APPL1: variants seen among roughly 807,000 people sequenced by gnomAD.
APPL1 encodes adaptor protein, phosphotyrosine interacting with PH domain and leucine zipper 1.
APPL1 carries 42 observed loss-of-function variants against 106.8 expected under a neutral mutation model. The ratio of observed to expected loss-of-function variants is 0.39; its 90% CI spans 0.31 to 0.51. The LOEUF is 0.51. Among genes scored for constraint, APPL1 ranks in the 20% least tolerant of loss-of-function variants. The probability of loss-of-function intolerance (pLI) is 0.75; values close to 1 mark genes in which losing one functional copy is unlikely to be tolerated. For synonymous variants in APPL1, 263 were observed against 281.8 expected, an observed-to-expected ratio of 0.93 and a Z score of 0.67; for missense variants, 769 against 858.2, an observed-to-expected ratio of 0.90 and a Z score of 1.30.
chr3:57,264,409 G>A (rs1033470734), intron 19 of APPL1, among the ~76,000 whole-genome samples: 2 of 151,718 alleles, frequency 1.3e-5, no homozygotes, highest in African/African-American at 4.8e-5. Flanking sequence ...GTCCATTTTT[G>A]CTTTAGTTGC....
intron 21 of APPL1, chr3:57,269,304 A>T (rs1415296188): frequency 9.7e-6 from 4 of 413,198 alleles, no homozygotes; most frequent in African/African-American, 8.1e-5. Context: ...TGTTGGTCAT[A>T]AAAAAAGAAA....
intron 13 of APPL1, among the ~76,000 whole-genome samples, chr3:57,255,918 T>G (rs2060832932): frequency 2.0e-5 from 3 of 152,254 alleles, no homozygotes; most frequent in Non-Finnish European, 1.5e-5. Context: ...TTTTAGTTAA[T>G]ATTTCCTAGG....
intron 19 of APPL1, among the ~76,000 whole-genome samples, chr3:57,262,695 A>G (rs1343234813): frequency 6.6e-6 from 1 of 151,094 alleles, no homozygotes; most frequent in Admixed American, 6.6e-5. Context: ...TGGAAAAAGA[A>G]CCTTTAATAG....
chr3:57,250,056 TAACA>T (rs2060795254), intron 11 of APPL1, among the ~76,000 whole-genome samples: 2 of 152,252 alleles, frequency 1.3e-5, no homozygotes, highest in Non-Finnish European at 2.9e-5. Context: ...TAGTAGGTGC[TAACA>T]ATAGTGTTAT....
In APPL1 at chr3:57,237,638, T is replaced by C. The variant is rs2060723510; in HGVS notation, c.213+87T>C. 5.3e-6 allele frequency: 5 copies of C among 946,968 alleles called. No individual in the cohort carries two copies. The South Asian group carries it at 8.9e-5, about 17-fold the overall frequency. The allele number at this position is 946,968 out of a possible 1,614,324, so 58.7% of individuals were successfully genotyped here. A position where few individuals can be genotyped will look rare whatever the true frequency, so the allele number is the denominator to read the frequency against. On this transcript the variant is annotated intron_variant, in intron 3 of 21. Transcript: ENST00000288266. ...TTTCAACAAGAATCCTTAAGTTTTC[T>C]TGAATTCACAGAATATGCCATTGAA... is the stretch of plus-strand genomic sequence containing the variant.
intron 11 of APPL1, among the ~76,000 whole-genome samples, chr3:57,250,744 C>T (rs1559510811): frequency 6.6e-6 from 1 of 151,212 alleles, no homozygotes; most frequent in Non-Finnish European, 1.5e-5. Context: ...GATGTTTAGA[C>T]TATCTGCCAT....
intron 13 of APPL1, among the ~76,000 whole-genome samples, chr3:57,254,513 A>G (rs557834769): frequency 7.9e-4 from 121 of 152,366 alleles, no homozygotes; most frequent in Non-Finnish European, 1.6e-3. Flanking sequence ...AGATGGTGGA[A>G]ACCTGAGTTG....
chr3:57,264,339 C>A (rs2060883259), intron 19 of APPL1, among the ~76,000 whole-genome samples: 1 of 151,926 alleles, frequency 6.6e-6, no homozygotes, highest in South Asian at 2.1e-4. Flanking sequence ...CTTGTTTCTT[C>A]ACTTTGTTGA....
intron 1 of APPL1, among the ~76,000 whole-genome samples, chr3:57,229,699 CTTTTTTTT>C (rs753258836): frequency 3.2e-5 from 3 of 93,138 alleles, no homozygotes; most frequent in African/African-American, 1.4e-4. Flanking sequence ...ACTGTGCCAG[CTTTTTTTT>C]TTTTTTTTTT....
intron 12 of APPL1, 93 bp from the exon 13 acceptor site, chr3:57,253,589 A>G: frequency 1.1e-6 from 1 of 941,024 alleles, no homozygotes; most frequent in East Asian, 3.9e-5. Flanking sequence ...ACTTCTAATG[A>G]AACATCTGTT....
intron 13 of APPL1, among the ~76,000 whole-genome samples, chr3:57,255,276 A>G (rs1465958113): frequency 6.6e-6 from 1 of 152,176 alleles, no homozygotes; most frequent in Non-Finnish European, 1.5e-5. Flanking sequence ...GAGTCCAGGC[A>G]ACTCCTGGCT....
chr3:57,252,391 T>C, intron 12 of APPL1, 80 bp downstream of exon 12: 1 of 1,060,770 alleles, frequency 9.4e-7, no homozygotes, highest in South Asian at 1.7e-5. Context: ...AATGTGTTCA[T>C]TGTAGAAATT....
At chr3:57,238,708 A>G (rs528675012) in intron 4 of APPL1, among the ~76,000 whole-genome samples, 2 of 152,216 alleles carry the variant, frequency 1.3e-5, no homozygotes, top group Non-Finnish European at 2.9e-5. Context: ...AAATATTTTA[A>G]TAACCCATTA....
At chr3:57,234,029 A>G (rs2060702921) in intron 1 of APPL1, among the ~76,000 whole-genome samples, 1 of 152,140 alleles carries the variant, frequency 6.6e-6, no homozygotes, top group Admixed American at 6.5e-5. Flanking sequence ...GGCTGCAGTG[A>G]GCCGAGATCA....
At chr3:57,240,371 CAG>C in intron 4 of APPL1, 92 bp from the exon 5 acceptor site, 3 of 943,978 alleles carry the variant, frequency 3.2e-6, no homozygotes, top group South Asian at 1.5e-5. Flanking sequence ...TAAAATATAT[CAG>C]AACCATTTTT....
At chr3:57,266,554 C>A (rs567181102) in intron 19 of APPL1, among the ~76,000 whole-genome samples, 1 of 152,116 alleles carries the variant, frequency 6.6e-6, no homozygotes, top group South Asian at 2.1e-4. Context: ...CCTTTTTAAT[C>A]TCCAATTTTA....
chr3:57,235,729 T>G (rs1287675545), intron 2 of APPL1, 65 bp downstream of exon 2: 2 of 1,168,626 alleles, frequency 1.7e-6, no homozygotes, highest in Non-Finnish European at 2.5e-6. Flanking sequence ...TGAGGACAGA[T>G]AGTGTCTGTC....
rs1297704461 is a variant in APPL1, at chr3:57,270,513, G to C, written c.*826G>C. On this transcript the variant is annotated 3_prime_UTR_variant, in exon 22 of 22. Coordinates refer to ENST00000288266, the MANE Select transcript of APPL1 (RefSeq NM_012096.3). ...ATTGACAAGTAAAGATACTGCTATGGAATGATACATTGTATTTTCTGCATT... is the reference window on the plus strand; with the variant it reads ...ATTGACAAGTAAAGATACTGCTATGCAATGATACATTGTATTTTCTGCATT... 6.6e-6 allele frequency: 1 copy of C among 152,574 alleles called. No individual in the cohort carries two copies. Among genetic ancestry groups the C allele is most frequent in the Admixed American group, 6.5e-5 (1 of 15,278 alleles). The allele number at this position is 152,574 out of a possible 1,614,324, so 9.5% of individuals were successfully genotyped here.
intron 1 of APPL1, among the ~76,000 whole-genome samples, chr3:57,234,256 G>A (rs1458761672): frequency 1.3e-5 from 2 of 151,010 alleles, no homozygotes; most frequent in Non-Finnish European, 2.9e-5. Context: ...GCCTTTGATA[G>A]CCTTAGTTTC....
Sources: gnomAD v4.1 joint callset for allele counts (sites outside exome capture counted in the v4.1 genomes callset) on GRCh38, gnomAD v4.1.1 for gene constraint, MANE v1.5 for transcripts, NCBI Gene and HGNC (gene_info 2026-07-23, HGNC 2026-07-21) for gene names.